SGCZ: variants seen among roughly 807,000 people sequenced by gnomAD.
SGCZ encodes zeta-sarcoglycan.
SGCZ carries 40 observed loss-of-function variants against 41.3 expected under a neutral mutation model. The observed-to-expected ratio is 0.97, with a 90% CI of 0.75 to 1.26. The LOEUF (loss-of-function observed/expected upper bound fraction) is 1.26. Among genes scored for constraint, SGCZ ranks in the 50% most tolerant of loss-of-function variants. The pLI is 0.00. For missense variants in SGCZ, 552 were observed against 369.8 expected, an observed-to-expected ratio of 1.49 and a Z score of -4.04; for synonymous variants, 206 against 137.5, an observed-to-expected ratio of 1.50 and a Z score of -3.49.
intron 1 of SGCZ, among the ~76,000 whole-genome samples, chr8:14,566,075 G>C (rs182773772): frequency 6.6e-6 from 1 of 152,270 alleles, no homozygotes; most frequent in Admixed American, 6.5e-5. Context: ...CAATGAATAT[G>C]TTTTAATTTA....
chr8:14,691,540 T>C (rs1808797594), intron 1 of SGCZ, among the ~76,000 whole-genome samples: 1 of 152,040 alleles, frequency 6.6e-6, no homozygotes, highest in East Asian at 1.9e-4. Flanking sequence ...TTTCAAAATA[T>C]TTTGCAATCA....
At chr8:14,381,608 C>G (rs1413171639) in intron 2 of SGCZ, among the ~76,000 whole-genome samples, 6 of 150,988 alleles carry the variant, frequency 4.0e-5, no homozygotes, top group Non-Finnish European at 1.5e-5. Context: ...AACCCCGGTT[C>G]TACAAAAAAA....
intron 1 of SGCZ, among the ~76,000 whole-genome samples, chr8:14,898,687 AG>A (rs1805293262): frequency 6.6e-6 from 1 of 152,184 alleles, no homozygotes; most frequent in African/African-American, 2.4e-5. Context: ...AGAAGAGTCA[AG>A]TTTAAGAATA....
At chr8:14,658,953 C>T (rs1483151605) in intron 1 of SGCZ, among the ~76,000 whole-genome samples, 1 of 151,882 alleles carries the variant, frequency 6.6e-6, no homozygotes, top group Non-Finnish European at 1.5e-5. Context: ...CGAAAAAAGT[C>T]TCTACAGCTC....
chr8:14,796,982 G>A (rs558433518), intron 1 of SGCZ, among the ~76,000 whole-genome samples: 33 of 152,268 alleles, frequency 2.2e-4, no homozygotes, highest in African/African-American at 4.6e-4. Flanking sequence ...CTCCCCAGCC[G>A]TGCTGAACCA....
At position 14,494,404 on chromosome 8, in the gene SGCZ, C is replaced by CT. The variant is rs573277360; in HGVS notation, c.234+60327_234+60328insA. 8.8e-3 allele frequency among the ~76,000 whole-genome samples: 1,345 copies of CT among 152,098 alleles called. 21 individuals carry two copies. Among genetic ancestry groups the CT allele is most frequent in the African/African-American group, 0.031 (1,279 of 41,466 alleles). The stretch of plus-strand genomic sequence containing the variant: ...GACAGAATGTCAGAATCCCATGAGC[C>CT]AAAAGTTTTATGATGAGAGAAGAAG... On this transcript the variant is annotated intron_variant, in intron 2 of 7. Coordinates refer to ENST00000382080, the MANE Select transcript of SGCZ (RefSeq NM_139167.4).
chr8:14,633,530 T>C lies in SGCZ; in HGVS notation c.40-78604A>G, dbSNP rs114856291. Among the ~76,000 whole-genome samples the C allele has an allele frequency of 8.8e-3, 1,335 of 152,040 alleles. 18 individuals are homozygous for C. Among genetic ancestry groups the C allele is most frequent in the African/African-American group, 0.03 (1,265 of 41,544 alleles). On this transcript the variant is annotated intron_variant, in intron 1 of 7. Transcript: ENST00000382080. The stretch of plus-strand genomic sequence containing the variant: ...TTATTAGCAAGCATTCCTTTCTTTC[T>C]AACTAGAATAAAAAGTTGGCAAATA...
rs538122213 is a variant in SGCZ, at chr8:14,962,064, T to C, written c.39+275521A>G. On this transcript the variant is annotated intron_variant, in intron 1 of 7. Transcript: ENST00000382080. ...CCAAGTAATAAGCATTCAATAAACA[T>C]AGGACAGAAAGAAGGACAGGAAGGG... 2.6e-5 allele frequency among the ~76,000 whole-genome samples: 4 copies of C among 152,244 alleles called. No homozygotes were observed. The South Asian group carries it at 8.3e-4, about 32-fold the overall frequency.
chr8:14,880,093 G>C (rs1804530413), intron 1 of SGCZ, among the ~76,000 whole-genome samples: 2 of 152,210 alleles, frequency 1.3e-5, no homozygotes, highest in African/African-American at 4.8e-5. Context: ...TGCCCACCTT[G>C]GCCTTCCAAA....
At chr8:14,215,306 T>G (rs764641389) in intron 4 of SGCZ, among the ~76,000 whole-genome samples, 2 of 152,094 alleles carry the variant, frequency 1.3e-5, no homozygotes, top group African/African-American at 2.4e-5. Flanking sequence ...TACATACATA[T>G]GTGTATATAT....
intron 1 of SGCZ, among the ~76,000 whole-genome samples, chr8:14,965,920 C>T (rs141180422): frequency 5.3e-4 from 81 of 151,904 alleles, no homozygotes; most frequent in African/African-American, 1.8e-3. Context: ...AACTCATGAT[C>T]GAAGAAGAAA....
chr8:15,217,782 A>G (rs540225193), intron 1 of SGCZ, among the ~76,000 whole-genome samples: 8 of 152,214 alleles, frequency 5.3e-5, no homozygotes, highest in Non-Finnish European at 1.0e-4. Flanking sequence ...TGTGATAGCA[A>G]TAAGACTTAA....
chr8:14,554,608 G>A (rs897255663), intron 2 of SGCZ, 124 bp downstream of exon 2: 13 of 786,242 alleles, frequency 1.7e-5, no homozygotes, highest in Middle Eastern at 3.8e-4. Context: ...TATTTTCTTT[G>A]GGATTTAAAA....
intron 1 of SGCZ, among the ~76,000 whole-genome samples, chr8:15,105,504 A>C (rs1293235491): frequency 1.3e-5 from 2 of 152,158 alleles, no homozygotes; most frequent in African/African-American, 4.8e-5. Context: ...GGAGAGAGAG[A>C]GAGAGAGCTA....
intron 1 of SGCZ, among the ~76,000 whole-genome samples, chr8:14,733,086 G>A (rs929136694): frequency 6.6e-6 from 1 of 152,102 alleles, no homozygotes; most frequent in Non-Finnish European, 1.5e-5. Context: ...CTGTGAGCAT[G>A]ACACTGACAA....
intron 1 of SGCZ, among the ~76,000 whole-genome samples, chr8:14,867,544 G>C (rs1334725707): frequency 6.6e-6 from 1 of 151,970 alleles, no homozygotes; most frequent in Non-Finnish European, 1.5e-5. Context: ...CTCCACAATG[G>C]TTAAACTAAT....
intron 3 of SGCZ, among the ~76,000 whole-genome samples, chr8:14,290,451 A>G (rs1800801013): frequency 6.6e-6 from 1 of 152,100 alleles, no homozygotes; most frequent in South Asian, 2.1e-4. Context: ...ATAAGGGGCT[A>G]ATATCCAAAA....
chr8:14,333,995 C>T (rs1038225685), intron 2 of SGCZ, among the ~76,000 whole-genome samples: 4 of 152,060 alleles, frequency 2.6e-5, no homozygotes, highest in African/African-American at 7.2e-5. Flanking sequence ...ATCTGCTTTA[C>T]GGGTGTCACT....
chr8:14,674,105 T>C lies in SGCZ; in HGVS notation c.40-119179A>G, dbSNP rs191538871. ...GAAATTAGTATAAACTGTTAAAACC[T>C]TCAATAAAGTATAACTCAGAATAAA... On this transcript the variant is annotated intron_variant, in intron 1 of 7. Transcript: ENST00000382080. Among the ~76,000 whole-genome samples the C allele has an allele frequency of 9.2e-5, 14 of 152,190 alleles. No individual in the cohort carries two copies. In the East Asian group the frequency reaches 2.7e-3, roughly 29 times the overall value.
Sources: gnomAD v4.1 joint callset for allele counts (sites outside exome capture counted in the v4.1 genomes callset) on GRCh38, gnomAD v4.1.1 for gene constraint, MANE v1.5 for transcripts, NCBI Gene and HGNC (gene_info 2026-07-23, HGNC 2026-07-21) for gene names.